The following ARSG variants were observed in gnomAD, a reference collection of about 807,000 sequenced individuals.
The protein encoded by ARSG is ASG.
Under a neutral mutation model 50.5 loss-of-function variants are expected in ARSG, and 37 were observed. The ratio of observed to expected loss-of-function variants is 0.73; its 90% CI spans 0.56 to 0.96. ARSG has a LOEUF of 0.96. Ranked by LOEUF, ARSG falls within the 50% of genes least tolerant of loss-of-function variation. The pLI, the probability that ARSG is intolerant of heterozygous loss-of-function variation, is 0.00. For missense variants in ARSG, 629 were observed against 675.3 expected (o/e 0.93, Z 0.76); for synonymous variants, 225 against 254.6 (o/e 0.88, Z 1.11).
At chr17:68,327,326 C>T (rs903282937) in intron 2 of ARSG, among the ~76,000 whole-genome samples, 2 of 152,134 alleles carry the variant, frequency 1.3e-5, no homozygotes, top group Non-Finnish European at 2.9e-5. Context: ...GAGTAGCTTA[C>T]AACCACCAAA....
chr17:68,350,919 C>T (rs150438525), intron 4 of ARSG, among the ~76,000 whole-genome samples: 2 of 152,236 alleles, frequency 1.3e-5, no homozygotes, highest in Non-Finnish European at 2.9e-5. Context: ...CACACCCTTC[C>T]ATCCCTCACC....
chr17:68,436,389 T>C, the ARSG span: 1 of 1,613,244 alleles, frequency 6.2e-7, no homozygotes, highest in African/African-American at 1.3e-5. Context: ...TACCAGGGAG[T>C]TTCCATCATA....
chr17:68,445,077 C>T, the ARSG span, among the ~76,000 whole-genome samples: 1 of 152,092 alleles, frequency 6.6e-6, no homozygotes, highest in African/African-American at 2.4e-5. Context: ...TGCACCACCA[C>T]ACCTGGCTAA....
At chr17:68,425,736 A>C (rs534476251), downstream of ARSG, among the ~76,000 whole-genome samples, 3 of 152,098 alleles carry the variant, frequency 2.0e-5, no homozygotes, top group Admixed American at 2.0e-4. Context: ...TAAGTTTTAG[A>C]CAAGTCACGT....
chr17:68,341,500 T>G (rs1244057420), intron 2 of ARSG, among the ~76,000 whole-genome samples: 1 of 152,232 alleles, frequency 6.6e-6, no homozygotes, highest in Non-Finnish European at 1.5e-5. Context: ...CAGTCCCATC[T>G]TTTAGATTGA....
chr17:68,274,639 A>G (rs2075452166), intron 1 of ARSG: 1 of 152,244 alleles, frequency 6.6e-6, no homozygotes, highest in African/African-American at 2.4e-5. Flanking sequence ...ATGAGCACCT[A>G]TAAAATTAGA....
intron 11 of ARSG, among the ~76,000 whole-genome samples, chr17:68,416,111 T>C (rs2147490525): frequency 6.6e-6 from 1 of 152,300 alleles, no homozygotes; most frequent in Non-Finnish European, 1.5e-5. Context: ...AAATTGTATT[T>C]TTGTTTTATA....
At chr17:68,366,498 C>T (rs577107741) in intron 6 of ARSG, among the ~76,000 whole-genome samples, 9 of 152,222 alleles carry the variant, frequency 5.9e-5, no homozygotes, top group African/African-American at 1.9e-4. Context: ...TGATGCAGGC[C>T]ACAACCTGCA....
At chr17:68,305,838 C>T (rs998466185) in intron 1 of ARSG, among the ~76,000 whole-genome samples, 1 of 151,922 alleles carries the variant, frequency 6.6e-6, no homozygotes, top group Non-Finnish European at 1.5e-5. Context: ...CTTAAGGAGG[C>T]CAAGGCGGGC....
chr17:68,297,716 C>T (rs1190544253), intron 1 of ARSG, among the ~76,000 whole-genome samples: 6 of 152,178 alleles, frequency 3.9e-5, no homozygotes, highest in African/African-American at 1.4e-4. Flanking sequence ...ATCCTCCTGT[C>T]TCGGCATCCC....
rs141085345 is a variant in ARSG, at chr17:68,333,500, C to T, written c.219-10104C>T. On this transcript the variant is annotated intron_variant, in intron 2 of 11. Transcript: ENST00000621439. Reference sequence around the variant, plus strand: ...AAAATTAGCCGAGCATGGTGGTGTACGCCTGTAATCCCAGCTACTTGGGAG... The same window carrying T: ...AAAATTAGCCGAGCATGGTGGTGTATGCCTGTAATCCCAGCTACTTGGGAG... 2.3e-4 allele frequency among the ~76,000 whole-genome samples: 35 copies of T among 152,038 alleles called. No individual in the cohort carries two copies. In the East Asian group the frequency reaches 4.8e-3, roughly 21 times the overall value.
intron 2 of ARSG, among the ~76,000 whole-genome samples, chr17:68,339,294 T>C (rs2078165781): frequency 6.6e-6 from 1 of 151,794 alleles, no homozygotes; most frequent in African/African-American, 2.4e-5. Flanking sequence ...CGAGACTGTA[T>C]CTCAAAAAGA....
At chr17:68,260,567 A>G (rs1422988975) in intron 1 of ARSG, among the ~76,000 whole-genome samples, 18 of 152,176 alleles carry the variant, frequency 1.2e-4, no homozygotes, top group African/African-American at 4.1e-4. Flanking sequence ...GGCTCACTGG[A>G]GCCTCCACCT....
intron 2 of ARSG, among the ~76,000 whole-genome samples, chr17:68,342,075 C>T (rs1246688790): frequency 6.6e-6 from 1 of 152,014 alleles, no homozygotes; most frequent in Non-Finnish European, 1.5e-5. Flanking sequence ...CTGCCTCAGC[C>T]TCCCAAAGTG....
the ARSG span, among the ~76,000 whole-genome samples, chr17:68,438,765 T>C: frequency 3.9e-5 from 6 of 152,190 alleles, no homozygotes; most frequent in Non-Finnish European, 1.5e-5. Context: ...CACGCCCAGC[T>C]AATTTTTGTA....
chr17:68,404,061 G>C (rs2081598438), intron 11 of ARSG, among the ~76,000 whole-genome samples: 1 of 152,158 alleles, frequency 6.6e-6, no homozygotes, highest in Non-Finnish European at 1.5e-5. Flanking sequence ...TGGCTGCATA[G>C]TATTCCATGG....
At chr17:68,418,566 A>G (rs1568605887) in intron 11 of ARSG, among the ~76,000 whole-genome samples, 2 of 152,240 alleles carry the variant, frequency 1.3e-5, no homozygotes, top group Non-Finnish European at 2.9e-5. Flanking sequence ...TTCAAATTTT[A>G]TTTCTGGCCA....
chr17:68,369,077 TC>T (rs2079694748), intron 7 of ARSG, among the ~76,000 whole-genome samples: 1 of 152,242 alleles, frequency 6.6e-6, no homozygotes. Context: ...TTCTAAGATT[TC>T]CCTCTTCTCC....
chr17:68,327,878 G>A (rs771145552), intron 2 of ARSG, among the ~76,000 whole-genome samples: 4 of 152,076 alleles, frequency 2.6e-5, no homozygotes, highest in Non-Finnish European at 5.9e-5. Context: ...AGAGTGCTTC[G>A]GGTGAGGGAC....
Sources: gnomAD v4.1 joint callset for allele counts (sites outside exome capture counted in the v4.1 genomes callset) on GRCh38, gnomAD v4.1.1 for gene constraint, MANE v1.5 for transcripts, NCBI Gene and HGNC (gene_info 2026-07-23, HGNC 2026-07-21) for gene names.